The following CCNF variants were observed in gnomAD, a reference collection of about 807,000 sequenced individuals.
CCNF encodes cyclin-F.
A neutral mutation model predicts 85.4 loss-of-function variants in CCNF; 30 were observed. The observed-to-expected ratio is 0.35, with a 90% CI of 0.26 to 0.48. The LOEUF (loss-of-function observed/expected upper bound fraction) is 0.48, where lower values mean the gene tolerates loss of function less well. Ranked by LOEUF, CCNF falls within the 20% of genes least tolerant of loss-of-function variation. The pLI is 0.99. For missense variants in CCNF, 919 were observed against 1,010.4 expected, an observed-to-expected ratio of 0.91 and a Z score of 1.23; for synonymous variants, 439 against 425.1, an observed-to-expected ratio of 1.03 and a Z score of -0.40.
At chr16:2,437,852 C>G in intron 5 of CCNF, 5 of 522,420 alleles carry the variant, frequency 9.6e-6, no homozygotes. Flanking sequence ...TGAGCCGTGA[C>G]TATGCCAATG....
chr16:2,437,457 C>A, intron 5 of CCNF, 135 bp downstream of exon 5: 1 of 642,862 alleles, frequency 1.6e-6, no homozygotes, highest in Non-Finnish European at 2.6e-6. Context: ...ACTGAGAGTG[C>A]AGATATGGGG....
At position 2,456,710 on chromosome 16, in the gene CCNF, A is replaced by C. The variant is rs1253320133; in HGVS notation, c.2051A>C (p.Lys684Thr). The C allele has an allele frequency of 6.2e-7, 1 of 1,613,178 alleles. No homozygotes were observed. Among genetic ancestry groups the C allele is most frequent in the South Asian group, 1.1e-5 (1 of 91,010 alleles). Residue 684 changes from lysine (K) to threonine (T), a missense_variant, in exon 17 of 17, where the codon AAA becomes ACA. Physicochemically the swap from Lys to Thr is moderately conservative, Grantham distance 78. This residue lies in a region of CCNF where 505 missense variants were observed against 514.8 expected (regional missense o/e 0.98). Coordinates refer to ENST00000397066, the MANE Select transcript of CCNF (RefSeq NM_001761.3). The surrounding 1 kb of genome is among the most constrained non-coding windows in gnomAD (Gnocchi z 4.5). Reference sequence around the variant, plus strand: ...CAGATCCCTGCAACCCCTGGACCCAAACCCCTGGTCCGCACCAGCCGGGAG... The same window carrying C: ...CAGATCCCTGCAACCCCTGGACCCACACCCCTGGTCCGCACCAGCCGGGAG... ...DTQIPATPGP[K>T]PLVRTSREPG...
At chr16:2,440,427 TG>T (rs1353646628) in intron 8 of CCNF, among the ~76,000 whole-genome samples, 2 of 152,022 alleles carry the variant, frequency 1.3e-5, no homozygotes, top group African/African-American at 4.8e-5. Flanking sequence ...GAGACCAGCC[TG>T]GCCAACATGG....
chr16:2,431,350 C>G (rs1275960616), intron 2 of CCNF, 66 bp downstream of exon 2: 2 of 1,535,136 alleles, frequency 1.3e-6, no homozygotes, highest in Non-Finnish European at 1.8e-6. Context: ...GCCTTGTGTT[C>G]TTAACTGTCA....
chr16:2,448,816 A>G, intron 10 of CCNF, 39 bp from the exon 11 acceptor site: 4 of 1,600,206 alleles, frequency 2.5e-6, no homozygotes, highest in Non-Finnish European at 3.4e-6. Flanking sequence ...CTGCCCCAGG[A>G]AGTGGGCTCC....
intron 3 of CCNF, 111 bp from the exon 4 acceptor site, chr16:2,435,692 TATA>T (rs2065287164): frequency 2.6e-6 from 1 of 388,226 alleles, no homozygotes; most frequent in Non-Finnish European, 4.8e-6. Flanking sequence ...TATATATATA[TATA>T]TATATATATT....
intron 4 of CCNF, chr16:2,436,181 A>G (rs12932700): frequency 0.75 from 200,278 of 267,782 alleles, 76,067 homozygotes; most frequent in African/African-American, 0.92. Context: ...CCTGTGCGCC[A>G]TGAGCACGCA....
At chr16:2,442,937 T>TATATG (rs1555497591) in intron 8 of CCNF, among the ~76,000 whole-genome samples, 4 of 94,010 alleles carry the variant, frequency 4.3e-5, no homozygotes, top group Non-Finnish European at 7.5e-5. Context: ...ATATGATTAT[T>TATATG]ATATATTATT....
chr16:2,433,858 G>A (rs1315107231), intron 3 of CCNF, among the ~76,000 whole-genome samples: 1 of 152,228 alleles, frequency 6.6e-6, no homozygotes, highest in African/African-American at 2.4e-5. Context: ...GGGATTCGCT[G>A]TGAGCCTCGT....
Position 2,453,623 on chromosome 16 carries a change from A to G in CCNF, c.1715+86A>G. On this transcript the variant is annotated intron_variant, in intron 15 of 16. Coordinates refer to ENST00000397066, the MANE Select transcript of CCNF (RefSeq NM_001761.3). This position sits in a 1 kb window ranked among gnomAD's most constrained non-coding sequence, Gnocchi z 5.6. The stretch of plus-strand genomic sequence containing the variant: ...TCCCTCAGCGCTTCCTCACACAGAG[A>G]GGCCCCCAAGGCTTGTCAGGGGAGC... 1 of 1,536,042 alleles carries G rather than the reference A, an allele frequency of 6.5e-7. No individual in the cohort carries two copies. The highest frequency in any genetic ancestry group is 8.9e-7 in the Non-Finnish European group (1 of 1,123,804).
At position 2,457,768 on chromosome 16, in the gene CCNF, AAAACTT is replaced by A. The variant is rs1439787393; in HGVS notation, c.*752_*757del. On this transcript the variant is annotated 3_prime_UTR_variant, in exon 17 of 17. Coordinates refer to ENST00000397066, the MANE Select transcript of CCNF (RefSeq NM_001761.3). ...CTTCTTCCAAGATGAAAACAAAAGAAAAACTTAAAACAGAAGGTATTAAAAAAACAA... is the reference window on the plus strand; with the variant it reads ...CTTCTTCCAAGATGAAAACAAAAGAAAAAACAGAAGGTATTAAAAAAACAA... 1.3e-5 allele frequency: 2 copies of A among 152,264 alleles called. No individual in the cohort carries two copies. Among genetic ancestry groups the A allele is most frequent in the South Asian group, 2.1e-4 (1 of 4,826 alleles). 9.4% of individuals were successfully genotyped at this position (152,264 alleles called of 1,614,324 possible).
chr16:2,456,710 A>G lies in CCNF; in HGVS notation c.2051A>G (p.Lys684Arg). The part of the protein sequence containing the change: ...DTQIPATPGP[K>R]PLVRTSREPG... Reference sequence around the variant, plus strand: ...CAGATCCCTGCAACCCCTGGACCCAAACCCCTGGTCCGCACCAGCCGGGAG... The same window carrying G: ...CAGATCCCTGCAACCCCTGGACCCAGACCCCTGGTCCGCACCAGCCGGGAG... Residue 684 changes from lysine (K) to arginine (R), a missense_variant, in exon 17 of 17, where the codon AAA becomes AGA. Around this residue, in one of 3 missense-constraint regions of CCNF, gnomAD observed 505 missense variants for 514.8 expected, o/e 0.98. Transcript: ENST00000397066. This position sits in a 1 kb window ranked among gnomAD's most constrained non-coding sequence, Gnocchi z 4.5. 6.2e-7 allele frequency: 1 copy of G among 1,613,178 alleles called. No homozygotes were observed. The highest frequency in any genetic ancestry group is 8.5e-7 in the Non-Finnish European group (1 of 1,179,688).
intron 10 of CCNF, among the ~76,000 whole-genome samples, chr16:2,448,441 C>T (rs553734079): frequency 1.3e-4 from 20 of 152,242 alleles, no homozygotes; most frequent in Admixed American, 3.9e-4. Context: ...GTGTCTTGCT[C>T]TGTCACCCAG....
intron 15 of CCNF, among the ~76,000 whole-genome samples, chr16:2,454,557 C>T (rs1018867775): frequency 6.6e-6 from 1 of 152,368 alleles, no homozygotes; most frequent in Non-Finnish European, 1.5e-5. Flanking sequence ...TCTCCACCCC[C>T]CGCCCTCCAC....
At position 2,453,805 on chromosome 16, in the gene CCNF, G is replaced by A. The variant is rs377668471; in HGVS notation, c.1715+268G>A. Among the ~76,000 whole-genome samples, 3 of 152,292 alleles carry A rather than the reference G, an allele frequency of 2.0e-5. No individual in the cohort carries two copies. The highest frequency in any genetic ancestry group is 3.4e-3 in the Middle Eastern group (1 of 294). On this transcript the variant is annotated intron_variant, in intron 15 of 16. Coordinates refer to ENST00000397066, the MANE Select transcript of CCNF (RefSeq NM_001761.3). The surrounding 1 kb of genome is among the most constrained non-coding windows in gnomAD (Gnocchi z 5.6). Reference sequence around the variant, plus strand: ...TGTGGAGGAAGATGGTTTCGAGCACGCGGGAGCCTAGCCTGGCTCTAGCCC... The same window carrying A: ...TGTGGAGGAAGATGGTTTCGAGCACACGGGAGCCTAGCCTGGCTCTAGCCC...
chr16:2,435,873 C>T lies in CCNF; in HGVS notation c.346C>T (p.Leu116=), dbSNP rs1004814243. Residue 116 remains leucine (L), a splice_region_variant and synonymous_variant, in exon 4 of 17, where the codon CTG becomes TTG. Coordinates refer to ENST00000397066, the MANE Select transcript of CCNF (RefSeq NM_001761.3). ...CATAGCCTACCTCTACAATGAAGGCCGTAAGTCCTCACCCCACCTGCATGT... is the reference window on the plus strand; with the variant it reads ...CATAGCCTACCTCTACAATGAAGGCTGTAAGTCCTCACCCCACCTGCATGT... The part of the protein sequence containing the change: ...LGIAYLYNEG[L]SVSDEARAEV... 27 of 1,611,512 alleles carry T rather than the reference C, an allele frequency of 1.7e-5. No homozygotes were observed. Among genetic ancestry groups the T allele is most frequent in the African/African-American group, 2.7e-5 (2 of 74,932 alleles).
chr16:2,430,176 C>G lies in CCNF; in HGVS notation c.16+679C>G, dbSNP rs79593033. ...AGCCGGGAGCAATCGCTAGGAAGTC[C>G]TAGCAAGGCGGGGAGGGATTTGGGC... On this transcript the variant is annotated intron_variant, in intron 1 of 16. Transcript: ENST00000397066. 7.6e-3 allele frequency among the ~76,000 whole-genome samples: 1,151 copies of G among 152,204 alleles called. 11 individuals are homozygous for G. The highest frequency in any genetic ancestry group is 0.024 in the Middle Eastern group (7 of 292).
intron 5 of CCNF, chr16:2,437,651 G>T: frequency 3.0e-6 from 1 of 331,784 alleles, no homozygotes; most frequent in Non-Finnish European, 5.6e-6. Context: ...CACTTTGGGA[G>T]GCCGAGGCTG....
rs767502488 is a variant in CCNF at position 2,457,049 on chromosome 16, G to A, written c.*29G>A. Reference sequence around the variant, plus strand: ...TGTCAGCACATTTGCCGCAGTGGATGTGTACTGAGGGGGCTGGAGGCGAAG... The same window carrying A: ...TGTCAGCACATTTGCCGCAGTGGATATGTACTGAGGGGGCTGGAGGCGAAG... On this transcript the variant is annotated 3_prime_UTR_variant, in exon 17 of 17. Coordinates refer to ENST00000397066, the MANE Select transcript of CCNF (RefSeq NM_001761.3). 2 of 1,501,328 alleles carry A rather than the reference G, an allele frequency of 1.3e-6. No individual in the cohort carries two copies. Among genetic ancestry groups the A allele is most frequent in the South Asian group, 1.3e-5 (1 of 78,474 alleles). 93.0% of individuals were successfully genotyped at this position (1,501,328 alleles called of 1,614,324 possible).
Sources: allele counts gnomAD v4.1 joint callset (sites outside exome capture counted in the v4.1 genomes callset), GRCh38; gene constraint gnomAD v4.1.1; regional missense constraint gnomAD v4.1.1; non-coding constraint Gnocchi (gnomAD v3.1); transcripts MANE v1.5; gene names NCBI Gene and HGNC (gene_info 2026-07-23, HGNC 2026-07-21).